Variants in UBR2 observed in about 807,000 individuals in gnomAD.
UBR2 encodes the protein ubiquitin protein ligase E3 component n-recognin 2.
In UBR2, 92 loss-of-function variants were observed where a neutral mutation model predicts 247.9. That is an observed-to-expected ratio of 0.37 (90% CI 0.31 to 0.44). The LOEUF (loss-of-function observed/expected upper bound fraction) is 0.44, where lower values mean the gene tolerates loss of function less well. UBR2 is among the 20% of genes least tolerant of loss of function. The probability of loss-of-function intolerance (pLI) is 1.00; values close to 1 mark genes in which losing one functional copy is unlikely to be tolerated. For missense variants in UBR2, 1,613 were observed against 2,112.6 expected, an observed-to-expected ratio of 0.76 and a Z score of 4.64; for synonymous variants, 672 against 693.5, an observed-to-expected ratio of 0.97 and a Z score of 0.49.
chr6:42,615,743 G>A (rs1269845575), intron 9 of UBR2, among the ~76,000 whole-genome samples: 1 of 147,788 alleles, frequency 6.8e-6, no homozygotes, highest in Non-Finnish European at 1.5e-5. Flanking sequence ...GGGCAACAAA[G>A]CAAGACCCTA....
At chr6:42,564,492 A>C (rs543324691) in intron 1 of UBR2, 95 bp downstream of exon 1, 14,891 of 1,396,452 alleles carry the variant, frequency 0.011, 100 homozygotes, top group Non-Finnish European at 0.013. Flanking sequence ...AGCCCGACCC[A>C]GACTTGGGGA....
chr6:42,669,986 T>C lies in UBR2; in HGVS notation c.3882-106T>C, dbSNP rs116939294. The C allele has an allele frequency of 6.7e-4, 879 of 1,318,452 alleles. 9 individuals are homozygous for C. The East Asian group carries it at 0.016, about 24-fold the overall frequency. 81.7% of individuals were successfully genotyped at this position (1,318,452 alleles called of 1,614,324 possible). A position where few individuals can be genotyped will look rare whatever the true frequency, so the allele number is the denominator to read the frequency against. Reference sequence around the variant, plus strand: ...CTGCATACAATTATCTCTGGATATATGTTAAGTGGTTCAATTTCAATATAG... The same window carrying C: ...CTGCATACAATTATCTCTGGATATACGTTAAGTGGTTCAATTTCAATATAG... On this transcript the variant is annotated intron_variant, in intron 34 of 46. Coordinates refer to ENST00000372901, the MANE Select transcript of UBR2 (RefSeq NM_001363705.2).
At chr6:42,664,904 C>T (rs1798022826) in intron 32 of UBR2, among the ~76,000 whole-genome samples, 1 of 152,132 alleles carries the variant, frequency 6.6e-6, no homozygotes, top group Non-Finnish European at 1.5e-5. Flanking sequence ...GTCCCTTATT[C>T]GGCCTTAGTC....
intron 13 of UBR2, among the ~76,000 whole-genome samples, chr6:42,634,809 A>C (rs748167537): frequency 1.8e-4 from 27 of 152,184 alleles, no homozygotes; most frequent in Non-Finnish European, 3.5e-4. Flanking sequence ...GTTTATTATA[A>C]TACTACTATG....
At chr6:42,647,995 G>C (rs1301854143) in intron 21 of UBR2, 123 bp from the exon 22 acceptor site, 5 of 619,092 alleles carry the variant, frequency 8.1e-6, no homozygotes, top group Non-Finnish European at 1.4e-5. Flanking sequence ...ATCCTCATCT[G>C]TAAAAATGGA....
chr6:42,665,725 T>G (rs1247904484), intron 33 of UBR2, among the ~76,000 whole-genome samples: 1 of 152,096 alleles, frequency 6.6e-6, no homozygotes, highest in East Asian at 1.9e-4. Context: ...TAAACACTTC[T>G]CACTTATTCC....
At chr6:42,612,113 T>C in intron 7 of UBR2, 58 bp from the exon 8 acceptor site, 1 of 1,425,338 alleles carries the variant, frequency 7.0e-7, no homozygotes, top group Non-Finnish European at 9.4e-7. Flanking sequence ...AATAACTTTG[T>C]TCTGCCAATA....
chr6:42,673,443 T>C (rs1798555401), intron 36 of UBR2, among the ~76,000 whole-genome samples: 1 of 152,190 alleles, frequency 6.6e-6, no homozygotes, highest in African/African-American at 2.4e-5. Flanking sequence ...TTCCTCAGCC[T>C]CTCGAGTAGC....
At chr6:42,676,710 G>A in intron 39 of UBR2, 73 bp from the exon 40 acceptor site, 3 of 1,160,292 alleles carry the variant, frequency 2.6e-6, no homozygotes, top group South Asian at 1.3e-5. Flanking sequence ...ATATTTGCAT[G>A]CTTAATGTCT....
intron 18 of UBR2, among the ~76,000 whole-genome samples, chr6:42,643,469 G>A (rs541664567): frequency 2.5e-4 from 38 of 152,100 alleles, no homozygotes; most frequent in African/African-American, 6.0e-4. Context: ...GGTGTCATGC[G>A]CCTGTAGTCC....
chr6:42,677,325 A>G (rs966762399), intron 40 of UBR2, among the ~76,000 whole-genome samples: 8 of 152,248 alleles, frequency 5.3e-5, no homozygotes, highest in Non-Finnish European at 7.3e-5. Context: ...TTTGCTACAA[A>G]TAGCAATTCA....
chr6:42,589,803 T>A (rs967091777), intron 2 of UBR2, among the ~76,000 whole-genome samples: 2 of 152,198 alleles, frequency 1.3e-5, no homozygotes, highest in Non-Finnish European at 2.9e-5. Context: ...CATGATCCAA[T>A]GTGTTCTGAA....
chr6:42,670,442 T>TTGG (rs1158921983), intron 35 of UBR2, among the ~76,000 whole-genome samples: 4 of 152,204 alleles, frequency 2.6e-5, no homozygotes, highest in South Asian at 2.1e-4. Context: ...CAGAGAACTC[T>TTGG]TGGTGGTGGT....
chr6:42,650,992 C>T (rs1434060961), intron 23 of UBR2, among the ~76,000 whole-genome samples: 3 of 151,978 alleles, frequency 2.0e-5, no homozygotes, highest in African/African-American at 4.8e-5. Flanking sequence ...GAGGCTGAGG[C>T]GGGCAGATCG....
At chr6:42,681,189 C>G (rs1454532511) in intron 42 of UBR2, among the ~76,000 whole-genome samples, 1 of 148,528 alleles carries the variant, frequency 6.7e-6, no homozygotes, top group African/African-American at 2.5e-5. Flanking sequence ...AAAAGAAAGA[C>G]CAGCCTGGGT....
At position 42,614,192 on chromosome 6, in the gene UBR2, A is replaced by C. The variant is rs1471871475; in HGVS notation, c.986-879A>C. On this transcript the variant is annotated intron_variant, in intron 8 of 46. Transcript: ENST00000372901. ...ACTCTGTCTCCAAAAAAAAAAAAAAAAAAAAAAAAAAAACTATATATATAT... is the reference window on the plus strand; with the variant it reads ...ACTCTGTCTCCAAAAAAAAAAAAAACAAAAAAAAAAAAACTATATATATAT... Among the ~76,000 whole-genome samples, 9 of 41,868 alleles carry C rather than the reference A, an allele frequency of 2.1e-4. 1 individual carries two copies. The highest frequency in any genetic ancestry group is 7.3e-4 in the African/African-American group (9 of 12,380). The allele number at this position is 41,868 out of a possible 152,430, so 27.5% of individuals were successfully genotyped here. A position where few individuals can be genotyped will look rare whatever the true frequency, so the allele number is the denominator to read the frequency against.
intron 11 of UBR2, among the ~76,000 whole-genome samples, chr6:42,619,206 C>CA (rs1267456583): frequency 6.6e-6 from 1 of 150,938 alleles, no homozygotes; most frequent in Non-Finnish European, 1.5e-5. Context: ...AGGCCTTTTT[C>CA]AAAAAGATGA....
At position 42,606,669 on chromosome 6, in the gene UBR2, A is replaced by G; in HGVS notation, c.864+18A>G. 9 of 1,575,072 alleles carry G rather than the reference A, an allele frequency of 5.7e-6. No homozygotes were observed. The highest frequency in any genetic ancestry group is 7.8e-6 in the Non-Finnish European group (9 of 1,159,060). On this transcript the variant is annotated intron_variant, in intron 7 of 46. Transcript: ENST00000372901. Reference sequence around the variant, plus strand: ...TAATTGTGGTAAGTAATTTAAAAACATGCTTATATTATTTTTTATTAGTTT... The same window carrying G: ...TAATTGTGGTAAGTAATTTAAAAACGTGCTTATATTATTTTTTATTAGTTT...
At chr6:42,607,712 G>GTTT (rs370045491) in intron 7 of UBR2, among the ~76,000 whole-genome samples, 1 of 50,806 alleles carries the variant, frequency 2.0e-5, no homozygotes, top group Non-Finnish European at 4.0e-5. Flanking sequence ...ACTCCCAGCT[G>GTTT]TTTTTTTTTT....
Sources: gnomAD v4.1 joint callset for allele counts (sites outside exome capture counted in the v4.1 genomes callset) on GRCh38, gnomAD v4.1.1 for gene constraint, MANE v1.5 for transcripts, NCBI Gene and HGNC (gene_info 2026-07-23, HGNC 2026-07-21) for gene names.